The following XKR7 variants were observed in gnomAD, a reference collection of about 807,000 sequenced individuals.
XKR7 encodes XK related 7.
Under a neutral mutation model 42.2 loss-of-function variants are expected in XKR7, and 11 were observed. The observed-to-expected ratio is 0.26, with a 90% CI of 0.16 to 0.43. The LOEUF is 0.43. XKR7 is among the 20% of genes least tolerant of loss of function. The pLI is 1.00. For synonymous variants in XKR7, 346 were observed against 366.4 expected, an observed-to-expected ratio of 0.94 and a Z score of 0.64; for missense variants, 710 against 802.2, an observed-to-expected ratio of 0.89 and a Z score of 1.39.
chr20:31,975,101 C>T (rs543639515), intron 1 of XKR7, among the ~76,000 whole-genome samples: 7 of 152,184 alleles, frequency 4.6e-5, no homozygotes, highest in South Asian at 2.1e-4. Context: ...GCATCTGGGG[C>T]GCAGGTCCCT....
chr20:31,979,607 T>A (rs1165233313), intron 1 of XKR7, among the ~76,000 whole-genome samples: 1 of 152,160 alleles, frequency 6.6e-6, no homozygotes, highest in East Asian at 1.9e-4. Context: ...TCCCTCATAA[T>A]GATAGCAGCT....
chr20:31,995,996 C>G lies in XKR7; in HGVS notation c.788-509C>G, dbSNP rs902023365. 6.6e-6 allele frequency among the ~76,000 whole-genome samples: 1 copy of G among 152,040 alleles called. No homozygotes were observed. Among genetic ancestry groups the G allele is most frequent in the African/African-American group, 2.4e-5 (1 of 41,378 alleles). Reference sequence around the variant, plus strand: ...CCCAGTTACGGGGTCCCAATCACAACGCTTCCCACCTTGGGTCTCCCCATC... The same window carrying G: ...CCCAGTTACGGGGTCCCAATCACAAGGCTTCCCACCTTGGGTCTCCCCATC... On this transcript the variant is annotated intron_variant, in intron 2 of 2. Coordinates refer to ENST00000562532, the MANE Select transcript of XKR7 (RefSeq NM_001011718.2). This position sits in a 1 kb window ranked among gnomAD's most constrained non-coding sequence, Gnocchi z 4.1.
intron 1 of XKR7, among the ~76,000 whole-genome samples, chr20:31,993,616 A>T (rs1446245224): frequency 1.3e-5 from 2 of 152,172 alleles, no homozygotes; most frequent in Non-Finnish European, 2.9e-5. Context: ...GCACACTTTC[A>T]TTCATTCAGC....
chr20:31,980,429 C>T (rs554309719), intron 1 of XKR7, among the ~76,000 whole-genome samples: 3 of 152,332 alleles, frequency 2.0e-5, no homozygotes, highest in South Asian at 4.1e-4. Flanking sequence ...GGCTATATAG[C>T]TGGGAACCCA....
chr20:31,987,738 A>T (rs1268150308), intron 1 of XKR7, among the ~76,000 whole-genome samples: 2 of 152,248 alleles, frequency 1.3e-5, no homozygotes, highest in Admixed American at 1.3e-4. Context: ...CCTCGTATTC[A>T]CAGGATAGAC....
At position 31,997,778 on chromosome 20, in the gene XKR7, G is replaced by A. The variant is rs889079314; in HGVS notation, c.*321G>A. 1.2e-5 allele frequency: 4 copies of A among 337,850 alleles called. No homozygotes were observed. 20.9% of individuals were successfully genotyped at this position (337,850 alleles called of 1,614,324 possible). ...CTCCCCTGCCTGGCGTTGCCCATGT[G>A]TTGCCCCTGCTGGACTTGCCAGAGA... On this transcript the variant is annotated 3_prime_UTR_variant, in exon 3 of 3. Coordinates refer to ENST00000562532, the MANE Select transcript of XKR7 (RefSeq NM_001011718.2).
rs1349398155 is a variant in XKR7 at position 32,001,165 on chromosome 20, T to C, written c.*3708T>C. The C allele has an allele frequency of 1.3e-5, 2 of 152,212 alleles. No individual in the cohort carries two copies. Among genetic ancestry groups the C allele is most frequent in the Admixed American group, 6.5e-5 (1 of 15,274 alleles). The allele number at this position is 152,212 out of a possible 1,614,324, so 9.4% of individuals were successfully genotyped here. On this transcript the variant is annotated 3_prime_UTR_variant, in exon 3 of 3. Coordinates refer to ENST00000562532, the MANE Select transcript of XKR7 (RefSeq NM_001011718.2). ...CTGCAGGTTCTTCCCTTGGAATTAA[T>C]CTGGACCTGGAGTCCACAGAAGCCT...
chr20:31,996,614 C>T lies in XKR7; in HGVS notation c.897C>T (p.Ala299=), dbSNP rs764910227. The change falls in exon 3 of 3, where the codon GCC becomes GCT. Residue 299 remains alanine, a synonymous_variant. Coordinates refer to ENST00000562532, the MANE Select transcript of XKR7 (RefSeq NM_001011718.2). ...AGCGGCCGCTGTCCTACAAGGGCGC[C>T]GTGGCACAGGTGCTGTGGCACCTGT... is the stretch of plus-strand genomic sequence containing the variant. ...DDKRPLSYKG[A]VAQVLWHLFS... 16 of 1,575,004 alleles carry T rather than the reference C, an allele frequency of 1.0e-5. No individual in the cohort carries two copies. The Admixed American group carries it at 1.7e-4, about 16-fold the overall frequency.
rs2064616102 is a variant in XKR7, at chr20:31,999,891, T to C, written c.*2434T>C. ...TCTAGAGGAAAAGTCCTAGCTGGGG[T>C]CCTTTACACTCCAGGAGACTCCCAA... On this transcript the variant is annotated 3_prime_UTR_variant, in exon 3 of 3. Transcript: ENST00000562532. The C allele has an allele frequency of 6.6e-6, 1 of 152,064 alleles. No individual in the cohort carries two copies. Among genetic ancestry groups the C allele is most frequent in the South Asian group, 2.1e-4 (1 of 4,810 alleles). 9.4% of individuals were successfully genotyped at this position (152,064 alleles called of 1,614,324 possible). A position where few individuals can be genotyped will look rare whatever the true frequency, so the allele number is the denominator to read the frequency against.
At chr20:31,989,193 G>A (rs1185652741) in intron 1 of XKR7, among the ~76,000 whole-genome samples, 2 of 152,136 alleles carry the variant, frequency 1.3e-5, no homozygotes, top group African/African-American at 4.8e-5. Flanking sequence ...GCCAGCCATG[G>A]GAGGATCTGG....
At chr20:31,983,016 G>C (rs1310777934) in intron 1 of XKR7, among the ~76,000 whole-genome samples, 1 of 152,214 alleles carries the variant, frequency 6.6e-6, no homozygotes, top group Non-Finnish European at 1.5e-5. Flanking sequence ...CTTGTCTGGG[G>C]CTACATAGTC....
intron 1 of XKR7, among the ~76,000 whole-genome samples, chr20:31,991,801 T>C (rs985739380): frequency 2.6e-5 from 4 of 152,150 alleles, no homozygotes; most frequent in African/African-American, 4.8e-5. Flanking sequence ...CTTGTGTGCC[T>C]TCAGATGCCA....
chr20:31,996,734 G>A lies in XKR7; in HGVS notation c.1017G>A (p.Met339Ile), dbSNP rs1338278429. ...TCATCGTGGCCCACTGGTGCGTCAT[G>A]ACCTTCTGGGTCATCCAAGGGGAGA... ...GIFIVAHWCV[M>I]TFWVIQGETD... Residue 339 changes from methionine (M) to isoleucine (I), a missense_variant, in exon 3 of 3, where the codon ATG (methionine) becomes ATA (isoleucine). This residue lies in a region of XKR7 where 708 missense variants were observed against 786.2 expected (regional missense o/e 0.90). Coordinates refer to ENST00000562532, the MANE Select transcript of XKR7 (RefSeq NM_001011718.2). The A allele has an allele frequency of 6.2e-7, 1 of 1,613,832 alleles. No homozygotes were observed. The highest frequency in any genetic ancestry group is 1.3e-5 in the African/African-American group (1 of 74,890).
At chr20:31,984,290 C>G (rs1280881516) in intron 1 of XKR7, among the ~76,000 whole-genome samples, 1 of 150,080 alleles carries the variant, frequency 6.7e-6, no homozygotes, top group East Asian at 1.9e-4. Flanking sequence ...TGGGGAGTGG[C>G]CTGCCCTTAC....
intron 1 of XKR7, among the ~76,000 whole-genome samples, chr20:31,976,637 G>A (rs368747072): frequency 2.0e-5 from 3 of 152,150 alleles, no homozygotes; most frequent in African/African-American, 4.8e-5. Context: ...CACCTGCCTC[G>A]GCCTCCCAAA....
At position 31,997,587 on chromosome 20, in the gene XKR7, A is replaced by T; in HGVS notation, c.*130A>T. The stretch of plus-strand genomic sequence containing the variant: ...GTTGGTCCAAGGGTAGAGTGGCCCC[A>T]CTCTTGGGTTCTTTCAGGGGAGGGG... On this transcript the variant is annotated 3_prime_UTR_variant, in exon 3 of 3. Coordinates refer to ENST00000562532, the MANE Select transcript of XKR7 (RefSeq NM_001011718.2). The T allele has an allele frequency of 1.1e-6, 1 of 892,424 alleles. No homozygotes were observed. Among genetic ancestry groups the T allele is most frequent in the Non-Finnish European group, 1.6e-6 (1 of 607,296 alleles). The allele number at this position is 892,424 out of a possible 1,614,324, so 55.3% of individuals were successfully genotyped here.
intron 1 of XKR7, among the ~76,000 whole-genome samples, chr20:31,981,194 G>C (rs2064510878): frequency 6.8e-6 from 1 of 147,640 alleles, no homozygotes; most frequent in South Asian, 2.1e-4. Flanking sequence ...GTGAAACCCT[G>C]TCTCTACAAA....
Position 31,995,070 on chromosome 20 carries a change from A to G in XKR7, c.587A>G (p.Tyr196Cys), listed in dbSNP as rs1193386069. 2 of 1,543,630 alleles carry G rather than the reference A, an allele frequency of 1.3e-6. No individual in the cohort carries two copies. Among genetic ancestry groups the G allele is most frequent in the East Asian group, 2.4e-5 (1 of 40,836 alleles). ...TGAGCACCGCGTCCTTCCCGCAGGT[A>G]CCTGCGCGCCCTGTACCTGGGGCTG... Reference protein sequence around the residue: ...HLLQLGQVWRYLRALYLGLQS... With the variant: ...HLLQLGQVWRCLRALYLGLQS... The change falls in exon 2 of 3, where the codon TAC (tyrosine) becomes TGC (cysteine). Residue 196 changes from tyrosine (Y) to cysteine (C), a missense_variant and splice_region_variant. By Grantham distance (194) the Tyr-to-Cys change is radical. Around this residue, in one of 2 missense-constraint regions of XKR7, gnomAD observed 708 missense variants for 786.2 expected, o/e 0.90. Transcript: ENST00000562532. The surrounding 1 kb of genome is among the most constrained non-coding windows in gnomAD (Gnocchi z 4.1).
In XKR7 at chr20:31,999,036, A is replaced by ACCCCCCCCCCCC. The variant is rs750312160; in HGVS notation, c.*1586_*1587insCCCCCCCCCCCC. 9.3e-6 allele frequency: 1 copy of ACCCCCCCCCCCC among 107,074 alleles called. No homozygotes were observed. Among genetic ancestry groups the ACCCCCCCCCCCC allele is most frequent in the Admixed American group, 8.8e-5 (1 of 11,380 alleles). The allele number at this position is 107,074 out of a possible 1,614,324, so 6.6% of individuals were successfully genotyped here. On this transcript the variant is annotated 3_prime_UTR_variant, in exon 3 of 3. Transcript: ENST00000562532. The stretch of plus-strand genomic sequence containing the variant: ...GAGCTGGGAACCCAACCCACCCCCC[A>ACCCCCCCCCCCC]CCCCCCCACACACACACTCCCACAG...
Sources: gnomAD v4.1 joint callset for allele counts (sites outside exome capture counted in the v4.1 genomes callset) on GRCh38, gnomAD v4.1.1 for gene constraint, gnomAD v4.1.1 regional missense constraint, Gnocchi (gnomAD v3.1) non-coding constraint, MANE v1.5 for transcripts, NCBI Gene and HGNC (gene_info 2026-07-23, HGNC 2026-07-21) for gene names.